The following GTF2IRD2B variants were observed in gnomAD, a reference collection of about 807,000 sequenced individuals.
GTF2IRD2B encodes GTF2I repeat domain containing 2B.
In GTF2IRD2B, 10 loss-of-function variants were observed where a neutral mutation model predicts 55.6. That is an observed-to-expected ratio of 0.18 (90% confidence interval 0.11 to 0.31). The LOEUF is 0.31. Ranked by LOEUF, GTF2IRD2B falls within the 10% of genes least tolerant of loss-of-function variation. The pLI, the probability that GTF2IRD2B is intolerant of heterozygous loss-of-function variation, is 1.00. For synonymous variants in GTF2IRD2B, 107 were observed against 320.5 expected, an observed-to-expected ratio of 0.33 and a Z score of 7.12; for missense variants, 206 against 802.7, an observed-to-expected ratio of 0.26 and a Z score of 8.98.
rs1325705103 is a variant in GTF2IRD2B at position 75,126,795 on chromosome 7, A to G, written c.670+410A>G. 1.3e-5 allele frequency among the ~76,000 whole-genome samples: 2 copies of G among 150,578 alleles called. 1 individual carries two copies. Among genetic ancestry groups the G allele is most frequent in the South Asian group, 4.2e-4 (2 of 4,790 alleles). On this transcript the variant is annotated intron_variant, in intron 8 of 15. Coordinates refer to ENST00000472837, the MANE Select transcript of GTF2IRD2B (RefSeq NM_001003795.3). Reference sequence around the variant, plus strand: ...ACAGATCGCCTGAGCTCAGGAGTTCAAGACCATCCTGGCCAACGTAGTAAA... The same window carrying G: ...ACAGATCGCCTGAGCTCAGGAGTTCGAGACCATCCTGGCCAACGTAGTAAA...
rs1807313349 is a variant in GTF2IRD2B, at chr7:75,093,100, CGTGCAGACGCGCTTGATTGGTTAGATAA to C, written c.-6+337_-6+364del. On this transcript the variant is annotated intron_variant, in intron 1 of 15. Transcript: ENST00000472837. The stretch of plus-strand genomic sequence containing the variant: ...CGTCGTACGTGGGGCGCTCGCGCTG[CGTGCAGACGCGCTTGATTGGTTAGATAA>C]GGGGGCGGGGGCCGCCGCTGTTACC... Among the ~76,000 whole-genome samples, 62 of 40,578 alleles carry C rather than the reference CGTGCAGACGCGCTTGATTGGTTAGATAA, an allele frequency of 1.5e-3. No homozygotes were observed. In the South Asian group the frequency reaches 0.071, roughly 47 times the overall value. 26.6% of individuals were successfully genotyped at this position (40,578 alleles called of 152,430 possible). A position where few individuals can be genotyped will look rare whatever the true frequency, so the allele number is the denominator to read the frequency against.
chr7:75,103,671 G>A (rs1321837380), intron 1 of GTF2IRD2B, among the ~76,000 whole-genome samples: 3 of 151,542 alleles, frequency 2.0e-5, no homozygotes, highest in Non-Finnish European at 4.4e-5. Context: ...GAGAAGGCCC[G>A]TGGGTCGCCG....
At chr7:75,104,033 G>A (rs1172464814) in intron 1 of GTF2IRD2B, among the ~76,000 whole-genome samples, 514 of 149,914 alleles carry the variant, frequency 3.4e-3, no homozygotes, top group African/African-American at 0.012. Context: ...CAGTCTGGGC[G>A]ACAGAGCGAG....
intron 2 of GTF2IRD2B, among the ~76,000 whole-genome samples, chr7:75,109,505 A>C (rs2115719778): frequency 1.0e-5 from 1 of 98,712 alleles, no homozygotes; most frequent in African/African-American, 2.9e-5. Flanking sequence ...CGCCCGGCTT[A>C]TTTTTTGTAT....
At position 75,149,327 on chromosome 7, in the gene GTF2IRD2B, G is replaced by A. The variant is rs1554454728; in HGVS notation, c.*30G>A. 1.3e-6 allele frequency: 1 copy of A among 751,638 alleles called. No individual in the cohort carries two copies. The highest frequency in any genetic ancestry group is 1.4e-5 in the South Asian group (1 of 69,564). 46.6% of individuals were successfully genotyped at this position (751,638 alleles called of 1,614,324 possible). A position where few individuals can be genotyped will look rare whatever the true frequency, so the allele number is the denominator to read the frequency against. On this transcript the variant is annotated 3_prime_UTR_variant, in exon 16 of 16. Coordinates refer to ENST00000472837, the MANE Select transcript of GTF2IRD2B (RefSeq NM_001003795.3). ...GAGAAAACTCCTGGCAGGGCCCTAT[G>A]GTGGGAAAGGCTGGAGTCTTCTAGT...
chr7:75,107,315 C>G (rs1426388349), intron 1 of GTF2IRD2B, among the ~76,000 whole-genome samples: 5 of 152,160 alleles, frequency 3.3e-5, no homozygotes, highest in Admixed American at 1.3e-4. Context: ...GTGGCTCACG[C>G]CTGTAATCCC....
chr7:75,103,975 T>C (rs1191306069), intron 1 of GTF2IRD2B, among the ~76,000 whole-genome samples: 1 of 146,968 alleles, frequency 6.8e-6, no homozygotes, highest in African/African-American at 2.5e-5. Context: ...GAGCTTGCAG[T>C]GCGCAGAGAT....
rs1430334619 is a variant in GTF2IRD2B, at chr7:75,126,875, T to C, written c.670+490T>C. Among the ~76,000 whole-genome samples, 29 of 150,486 alleles carry C rather than the reference T, an allele frequency of 1.9e-4. 2 individuals carry two copies. The highest frequency in any genetic ancestry group is 2.0e-4 in the Admixed American group (3 of 15,042). Reference sequence around the variant, plus strand: ...AGCTGGGCATGGTCGTGTGCGCCTGTAGTCCCAGCTACTTGGGAGGCTGAG... The same window carrying C: ...AGCTGGGCATGGTCGTGTGCGCCTGCAGTCCCAGCTACTTGGGAGGCTGAG... On this transcript the variant is annotated intron_variant, in intron 8 of 15. Coordinates refer to ENST00000472837, the MANE Select transcript of GTF2IRD2B (RefSeq NM_001003795.3).
intron 1 of GTF2IRD2B, among the ~76,000 whole-genome samples, chr7:75,105,566 T>A (rs1807767509): frequency 6.6e-6 from 1 of 152,300 alleles, no homozygotes; most frequent in South Asian, 2.1e-4. Flanking sequence ...ACCATTCTGT[T>A]TAATAATAAT....
chr7:75,132,412 T>A (rs1461486601), intron 8 of GTF2IRD2B, among the ~76,000 whole-genome samples: 6 of 139,280 alleles, frequency 4.3e-5, no homozygotes, highest in East Asian at 3.9e-4. Context: ...GACAGAAGAA[T>A]CTTCACAGCA....
intron 3 of GTF2IRD2B, among the ~76,000 whole-genome samples, chr7:75,119,423 G>GCGA (rs1554451698): frequency 8.7e-6 from 1 of 115,580 alleles, no homozygotes; most frequent in African/African-American, 3.2e-5. Flanking sequence ...GAAGGCCGAG[G>GCGA]TGGGCAGATC....
chr7:75,104,053 CAAAAA>C (rs587607735), intron 1 of GTF2IRD2B, among the ~76,000 whole-genome samples: 7 of 87,784 alleles, frequency 8.0e-5, no homozygotes, highest in South Asian at 3.8e-4. Context: ...GACTCCGTCT[CAAAAA>C]AAAAAAAAAA....
intron 9 of GTF2IRD2B, among the ~76,000 whole-genome samples, chr7:75,134,040 A>G (rs1808750125): frequency 7.8e-6 from 1 of 129,022 alleles, no homozygotes; most frequent in Non-Finnish European, 1.6e-5. Context: ...GACGGTATCC[A>G]GTAGGAAGTA....
At chr7:75,105,097 G>A (rs1349933448) in intron 1 of GTF2IRD2B, among the ~76,000 whole-genome samples, 3 of 152,288 alleles carry the variant, frequency 2.0e-5, no homozygotes, top group African/African-American at 7.2e-5. Flanking sequence ...CCCGGGGGCT[G>A]AAATGGGAGG....
chr7:75,093,558 C>T (rs1349848083), intron 1 of GTF2IRD2B, among the ~76,000 whole-genome samples: 3 of 152,272 alleles, frequency 2.0e-5, no homozygotes, highest in Non-Finnish European at 4.4e-5. Context: ...CGTCATTCCC[C>T]GGTCCCCACC....
intron 1 of GTF2IRD2B, among the ~76,000 whole-genome samples, chr7:75,105,910 A>G (rs1444476986): frequency 6.6e-6 from 1 of 152,310 alleles, no homozygotes; most frequent in Non-Finnish European, 1.5e-5. Flanking sequence ...TGGTGGTTCC[A>G]TATGGAAAGT....
chr7:75,142,150 T>G (rs1207292414), intron 13 of GTF2IRD2B, among the ~76,000 whole-genome samples: 1 of 152,194 alleles, frequency 6.6e-6, no homozygotes, highest in Non-Finnish European at 1.5e-5. Context: ...GTTGTTGTTT[T>G]TTTAATTTGT....
At chr7:75,104,664 C>T (rs1284439135) in intron 1 of GTF2IRD2B, among the ~76,000 whole-genome samples, 1 of 152,234 alleles carries the variant, frequency 6.6e-6, no homozygotes, top group Non-Finnish European at 1.5e-5. Flanking sequence ...GGAGCATGAT[C>T]TAAGGGAGTG....
At chr7:75,134,368 C>G (rs1186671631) in intron 9 of GTF2IRD2B, among the ~76,000 whole-genome samples, 1 of 143,016 alleles carries the variant, frequency 7.0e-6, no homozygotes, top group Non-Finnish European at 1.5e-5. Context: ...AGCCTGGGTG[C>G]TGGAGTGAAA....
Sources: allele counts gnomAD v4.1 joint callset (sites outside exome capture counted in the v4.1 genomes callset), GRCh38; gene constraint gnomAD v4.1.1; transcripts MANE v1.5; gene names NCBI Gene and HGNC (gene_info 2026-07-23, HGNC 2026-07-21).